Variants in TSPAN11 observed in about 807,000 individuals in gnomAD.
TSPAN11 encodes the protein tetraspanin 11.
In TSPAN11, 29 loss-of-function variants were observed where a neutral mutation model predicts 32.9. That is an observed-to-expected ratio of 0.88 (90% CI 0.66 to 1.20). The LOEUF is 1.20. TSPAN11 is among the 50% of genes most tolerant of loss of function. The pLI is 0.00. For synonymous variants in TSPAN11, 140 were observed against 141.3 expected, an observed-to-expected ratio of 0.99 and a Z score of 0.07; for missense variants, 283 against 329.1, an observed-to-expected ratio of 0.86 and a Z score of 1.08.
downstream of TSPAN11, chr12:30,996,716 A>G (rs1018130220): frequency 2.6e-5 from 4 of 152,152 alleles, no homozygotes; most frequent in South Asian, 2.1e-4. Context: ...CGGCTCCCCT[A>G]TGAGTAAACC....
intron 1 of TSPAN11, among the ~76,000 whole-genome samples, chr12:30,941,851 G>C (rs1938171762): frequency 6.6e-6 from 1 of 152,232 alleles, no homozygotes; most frequent in Non-Finnish European, 1.5e-5. Flanking sequence ...CTTCCATCTT[G>C]TTGAAAACAG....
chr12:31,013,337 T>A, the TSPAN11 span, among the ~76,000 whole-genome samples: 1 of 151,990 alleles, frequency 6.6e-6, no homozygotes, highest in South Asian at 2.1e-4. Context: ...CTCACACCTA[T>A]AATCCCAGAA....
At chr12:30,969,655 C>A (rs185419818) in intron 3 of TSPAN11, among the ~76,000 whole-genome samples, 47 of 152,290 alleles carry the variant, frequency 3.1e-4, no homozygotes, top group Non-Finnish European at 5.6e-4. Flanking sequence ...TGGGGTGGTT[C>A]TATGGCCAAT....
At chr12:30,961,003 T>C (rs1299735558) in intron 2 of TSPAN11, among the ~76,000 whole-genome samples, 1 of 147,556 alleles carries the variant, frequency 6.8e-6, no homozygotes, top group Admixed American at 6.9e-5. Context: ...CGCACCACTG[T>C]ACTCCAGACT....
chr12:31,004,033 G>T, the TSPAN11 span, among the ~76,000 whole-genome samples: 1 of 152,198 alleles, frequency 6.6e-6, no homozygotes, highest in Admixed American at 6.5e-5. Flanking sequence ...GGCAGGTGGA[G>T]GCTGGAGAAG....
the TSPAN11 span, among the ~76,000 whole-genome samples, chr12:31,016,469 A>AAGGAAAGGAGAGGAG: frequency 6.6e-6 from 1 of 152,118 alleles, no homozygotes; most frequent in Non-Finnish European, 1.5e-5. Context: ...AAGAAAAGGA[A>AAGGAAAGGAGAGGAG]AGGAAAGGAG....
At chr12:30,941,714 T>G (rs892725274) in intron 1 of TSPAN11, among the ~76,000 whole-genome samples, 1 of 152,234 alleles carries the variant, frequency 6.6e-6, no homozygotes, top group African/African-American at 2.4e-5. Context: ...TCACTAGCCC[T>G]GCTGGGATGG....
intron 3 of TSPAN11, among the ~76,000 whole-genome samples, chr12:30,966,869 C>T (rs1037397737): frequency 2.6e-5 from 4 of 152,192 alleles, no homozygotes. Context: ...TCGTTGCTCC[C>T]ATTATAGTAA....
Position 30,982,580 on chromosome 12 carries a change from T to C in TSPAN11, c.505T>C (p.Tyr169His). 1 of 1,613,122 alleles carries C rather than the reference T, an allele frequency of 6.2e-7. No homozygotes were observed. Among genetic ancestry groups the C allele is most frequent in the African/African-American group, 1.3e-5 (1 of 75,072 alleles). ...CTCAGCCGACTGGCAGCACAGCACG[T>C]ACATCCTGTTGCGGGAGGCCGAGGG... ...NSSADWQHST[Y>H]ILLREAEGRQ... The change falls in exon 6 of 8, where the codon TAC becomes CAC. Residue 169 changes from tyrosine (Y) to histidine (H), a missense_variant. By Grantham distance (83) the Tyr-to-His change is moderately conservative. Coordinates refer to ENST00000546076, the MANE Select transcript of TSPAN11 (RefSeq NM_001370302.1).
In TSPAN11 at chr12:30,963,919, T is replaced by C. The variant is rs1938670672; in HGVS notation, c.178T>C (p.Ser60Pro). 6.2e-7 allele frequency: 1 copy of C among 1,613,756 alleles called. No individual in the cohort carries two copies. Among genetic ancestry groups the C allele is most frequent in the African/African-American group, 1.3e-5 (1 of 74,936 alleles). ...CCTGGCCTCCAGCACCTTTGCCGCC[T>C]CCGCCTACATCCTCATCTTTGCGGG... ...SVLASSTFAA[S>P]AYILIFAGVL... Residue 60 changes from serine (S) to proline (P), a missense_variant, in exon 3 of 8, where the codon TCC becomes CCC. Transcript: ENST00000546076.
rs1939333337 is a variant in TSPAN11 at position 30,992,340 on chromosome 12, T to C, written c.*425T>C. On this transcript the variant is annotated 3_prime_UTR_variant, in exon 8 of 8. Coordinates refer to ENST00000546076, the MANE Select transcript of TSPAN11 (RefSeq NM_001370302.1). ...TTCCCCCACCCATGCCCAGAAGCCC[T>C]GACCTTGCTGTTTCTGGAAAAAGCA... The C allele has an allele frequency of 9.2e-6, 2 of 217,344 alleles. No individual in the cohort carries two copies. Among genetic ancestry groups the C allele is most frequent in the South Asian group, 1.8e-4 (2 of 11,264 alleles). 13.5% of individuals were successfully genotyped at this position (217,344 alleles called of 1,614,324 possible).
chr12:30,967,926 AGC>A, intron 3 of TSPAN11, among the ~76,000 whole-genome samples: 4 of 152,022 alleles, frequency 2.6e-5, no homozygotes, highest in Admixed American at 6.6e-5. Context: ...CAGCCCGTGA[AGC>A]ATCGAGCACT....
chr12:30,959,662 C>A (rs1304599451), intron 2 of TSPAN11, among the ~76,000 whole-genome samples: 1 of 151,840 alleles, frequency 6.6e-6, no homozygotes. Context: ...TGCCTGTAAT[C>A]CTAGCTACTC....
At chr12:31,016,332 G>A in the TSPAN11 span, among the ~76,000 whole-genome samples, 3 of 152,182 alleles carry the variant, frequency 2.0e-5, no homozygotes, top group South Asian at 2.1e-4. Flanking sequence ...GGCTGGTGGC[G>A]ACAGCTGCAC....
chr12:30,979,809 C>A (rs914829895), intron 5 of TSPAN11, 139 bp downstream of exon 5: 1 of 791,964 alleles, frequency 1.3e-6, no homozygotes, highest in African/African-American at 1.7e-5. Context: ...AATGAAGCCT[C>A]TTTAGGGCAC....
chr12:30,930,607 G>T (rs1254894851), intron 1 of TSPAN11, among the ~76,000 whole-genome samples: 1 of 152,214 alleles, frequency 6.6e-6, no homozygotes, highest in Non-Finnish European at 1.5e-5. Flanking sequence ...TCGTAGCAGG[G>T]TGCATGGATG....
chr12:31,003,405 G>A, the TSPAN11 span, among the ~76,000 whole-genome samples: 16 of 152,196 alleles, frequency 1.1e-4, no homozygotes, highest in Admixed American at 1.0e-3. Flanking sequence ...GGCAGTTTGA[G>A]GACCTGTGAA....
chr12:30,939,178 T>G (rs1938106411), intron 1 of TSPAN11, among the ~76,000 whole-genome samples: 1 of 150,760 alleles, frequency 6.6e-6, no homozygotes, highest in Non-Finnish European at 1.5e-5. Flanking sequence ...GAGGTGAAGG[T>G]TCTATTGAGC....
intron 2 of TSPAN11, among the ~76,000 whole-genome samples, 168 bp from the exon 3 acceptor site, chr12:30,963,658 G>A (rs1232780177): frequency 2.0e-5 from 3 of 152,230 alleles, no homozygotes; most frequent in Non-Finnish European, 4.4e-5. Flanking sequence ...ACCTCTCTCA[G>A]CCTCGATTTC....
Sources: allele counts gnomAD v4.1 joint callset (sites outside exome capture counted in the v4.1 genomes callset), GRCh38; gene constraint gnomAD v4.1.1; transcripts MANE v1.5; gene names NCBI Gene and HGNC (gene_info 2026-07-23, HGNC 2026-07-21).